ADAM10: variants seen among roughly 807,000 people sequenced by gnomAD.
ADAM10 encodes the protein ADAM metallopeptidase domain 10.
ADAM10 carries 17 observed loss-of-function variants against 90.1 expected under a neutral mutation model. The observed-to-expected ratio is 0.19, with a 90% CI of 0.13 to 0.28. The LOEUF is 0.28. Among genes scored for constraint, ADAM10 ranks in the 10% least tolerant of loss-of-function variants. The pLI is 1.00. For synonymous variants in ADAM10, 310 were observed against 298.6 expected, an observed-to-expected ratio of 1.04 and a Z score of -0.40; for missense variants, 610 against 914.3, an observed-to-expected ratio of 0.67 and a Z score of 4.29.
intron 6 of ADAM10, among the ~76,000 whole-genome samples, chr15:58,645,732 T>A (rs1413728441): frequency 1.3e-5 from 2 of 151,954 alleles, no homozygotes; most frequent in Non-Finnish European, 2.9e-5. Flanking sequence ...AGAAAAAAAA[T>A]TAAATACTTC....
At chr15:58,749,429 C>T in intron 1 of ADAM10, 51 bp downstream of exon 1, 1 of 1,496,672 alleles carries the variant, frequency 6.7e-7, no homozygotes, top group Non-Finnish European at 8.9e-7. Context: ...TCGGCCCGGC[C>T]GCCGCTCCGC....
rs562415562 is a variant in ADAM10 at position 58,598,714 on chromosome 15, T to A, written c.2152+884A>T. ...CCTGTAGAGAATAGCTACGAATACC[T>A]TGGAGAAGGGGAGGGATAAACAGAG... On this transcript the variant is annotated intron_variant, in intron 15 of 15. Coordinates refer to ENST00000260408, the MANE Select transcript of ADAM10 (RefSeq NM_001110.4). 3.9e-5 allele frequency among the ~76,000 whole-genome samples: 6 copies of A among 152,302 alleles called. No individual in the cohort carries two copies. In the South Asian group the frequency reaches 1.2e-3, roughly 32 times the overall value.
At chr15:58,669,279 T>C (rs1897143510) in intron 4 of ADAM10, among the ~76,000 whole-genome samples, 1 of 152,196 alleles carries the variant, frequency 6.6e-6, no homozygotes, top group Non-Finnish European at 1.5e-5. Flanking sequence ...TAAACACTGG[T>C]TGAATTTAAT....
At chr15:58,692,774 T>C (rs773550206) in intron 2 of ADAM10, 1 of 613,388 alleles carries the variant, frequency 1.6e-6, no homozygotes, top group East Asian at 4.3e-5. Context: ...ATGGCTACTT[T>C]CTCTGCCACC....
intron 14 of ADAM10, among the ~76,000 whole-genome samples, chr15:58,604,083 C>T (rs753623248): frequency 3.3e-5 from 5 of 151,994 alleles, no homozygotes; most frequent in South Asian, 4.2e-4. Context: ...TTAGCTTGGC[C>T]GGGCACGGTG....
At chr15:58,622,622 T>C (rs1895820826) in intron 10 of ADAM10, among the ~76,000 whole-genome samples, 1 of 152,216 alleles carries the variant, frequency 6.6e-6, no homozygotes, top group Admixed American at 6.5e-5. Flanking sequence ...ACATGTATTA[T>C]TTATATCTTC....
chr15:58,603,495 C>A (rs183968465), intron 14 of ADAM10, among the ~76,000 whole-genome samples: 1 of 152,140 alleles, frequency 6.6e-6, no homozygotes, highest in Non-Finnish European at 1.5e-5. Context: ...AGCTTTCTCA[C>A]GATGATGGGC....
chr15:58,601,948 G>A (rs550275526), intron 14 of ADAM10, among the ~76,000 whole-genome samples: 2 of 152,260 alleles, frequency 1.3e-5, no homozygotes, highest in African/African-American at 4.8e-5. Flanking sequence ...AGTAACACGT[G>A]ATTTTTATTT....
At chr15:58,666,959 C>T (rs1322509457) in intron 4 of ADAM10, among the ~76,000 whole-genome samples, 3 of 152,012 alleles carry the variant, frequency 2.0e-5, no homozygotes, top group African/African-American at 7.2e-5. Flanking sequence ...TGCTGTTTTC[C>T]TTGGACACCA....
At chr15:58,656,823 A>G (rs1368648667) in intron 5 of ADAM10, among the ~76,000 whole-genome samples, 1 of 152,140 alleles carries the variant, frequency 6.6e-6, no homozygotes, top group Non-Finnish European at 1.5e-5. Context: ...TTGCTCATTC[A>G]CATCCTTTTC....
At chr15:58,713,008 T>C (rs1898526668) in intron 2 of ADAM10, among the ~76,000 whole-genome samples, 1 of 152,216 alleles carries the variant, frequency 6.6e-6, no homozygotes, top group Non-Finnish European at 1.5e-5. Flanking sequence ...TACTTAGTCA[T>C]TAAGAACAAT....
chr15:58,745,478 A>G (rs1334940704), intron 1 of ADAM10, among the ~76,000 whole-genome samples: 3 of 152,206 alleles, frequency 2.0e-5, no homozygotes, highest in Non-Finnish European at 4.4e-5. Context: ...CGATCATTCT[A>G]TATTAAAGAC....
At chr15:58,615,554 A>G (rs1244155360) in intron 11 of ADAM10, among the ~76,000 whole-genome samples, 1 of 152,094 alleles carries the variant, frequency 6.6e-6, no homozygotes, top group Non-Finnish European at 1.5e-5. Context: ...CAAACACATG[A>G]CACATCCACC....
chr15:58,735,582 A>C (rs1387887498), intron 1 of ADAM10, among the ~76,000 whole-genome samples: 2 of 152,200 alleles, frequency 1.3e-5, no homozygotes, highest in Admixed American at 1.3e-4. Flanking sequence ...AATACAATGT[A>C]AATCCTATAT....
chr15:58,676,360 T>G, intron 4 of ADAM10: 2 of 453,606 alleles, frequency 4.4e-6, no homozygotes, highest in South Asian at 1.6e-5. Flanking sequence ...AATTCAATAA[T>G]GCAAGTAAAG....
chr15:58,724,176 CAA>C (rs547892688), intron 1 of ADAM10, among the ~76,000 whole-genome samples: 6 of 119,950 alleles, frequency 5.0e-5, no homozygotes, highest in Non-Finnish European at 5.4e-5. Context: ...GACTCCGTCT[CAA>C]AAAAAAAAAA....
intron 1 of ADAM10, among the ~76,000 whole-genome samples, chr15:58,725,393 T>G (rs1386771451): frequency 7.1e-6 from 1 of 141,092 alleles, no homozygotes; most frequent in Non-Finnish European, 1.5e-5. Flanking sequence ...AAAGTAAAAA[T>G]TAGCCAGGAA....
chr15:58,645,662 G>C (rs1487105319), intron 6 of ADAM10, among the ~76,000 whole-genome samples: 1 of 152,136 alleles, frequency 6.6e-6, no homozygotes, highest in Non-Finnish European at 1.5e-5. Context: ...AATGAGGGTT[G>C]AGAAGACACA....
chr15:58,615,767 G>A (rs1322175233), intron 11 of ADAM10, among the ~76,000 whole-genome samples: 1 of 152,098 alleles, frequency 6.6e-6, no homozygotes, highest in Non-Finnish European at 1.5e-5. Context: ...CAGCACTTTG[G>A]GAGGCCGAGG....
Sources: gnomAD v4.1 joint callset for allele counts (sites outside exome capture counted in the v4.1 genomes callset) on GRCh38, gnomAD v4.1.1 for gene constraint, MANE v1.5 for transcripts, NCBI Gene and HGNC (gene_info 2026-07-23, HGNC 2026-07-21) for gene names.